PDE10A: variants seen among roughly 807,000 people sequenced by gnomAD.
The protein encoded by PDE10A is cAMP and cAMP-inhibited cGMP 3',5'-cyclic phosphodiesterase 10A.
PDE10A carries 39 observed loss-of-function variants against 97.7 expected under a neutral mutation model. The observed-to-expected ratio is 0.40, with a 90% CI of 0.31 to 0.52. The LOEUF is 0.52. Ranked by LOEUF, PDE10A falls within the 20% of genes least tolerant of loss-of-function variation. The probability of loss-of-function intolerance (pLI) is 0.56; values close to 1 mark genes in which losing one functional copy is unlikely to be tolerated. For synonymous variants in PDE10A, 371 were observed against 376.8 expected (o/e 0.98, Z 0.18); for missense variants, 731 against 1,047.8 (o/e 0.70, Z 4.17).
At chr6:165,659,504 G>T (rs1483554175) in intron 1 of PDE10A, among the ~76,000 whole-genome samples, 2 of 152,238 alleles carry the variant, frequency 1.3e-5, no homozygotes, top group African/African-American at 4.8e-5. Flanking sequence ...TGTCAGAGCA[G>T]AAATTGGCTA....
intron 2 of PDE10A, among the ~76,000 whole-genome samples, chr6:165,494,349 GA>G (rs1030134155): frequency 6.6e-6 from 1 of 150,944 alleles, no homozygotes; most frequent in Non-Finnish European, 1.5e-5. Context: ...GGTCATTATA[GA>G]AAAAAGATAC....
chr6:165,475,269 G>A (rs1779231750), intron 3 of PDE10A, among the ~76,000 whole-genome samples: 2 of 152,120 alleles, frequency 1.3e-5, no homozygotes, highest in African/African-American at 2.4e-5. Context: ...ATGGTCATAA[G>A]TATTAATAGA....
chr6:165,397,891 GAATGAATACACAGT>G (rs1281471795), intron 13 of PDE10A, among the ~76,000 whole-genome samples: 2 of 151,956 alleles, frequency 1.3e-5, no homozygotes, highest in Non-Finnish European at 1.5e-5. Flanking sequence ...CAAACCCAAT[GAATGAATACACAGT>G]AATTATGTGC....
intron 1 of PDE10A, among the ~76,000 whole-genome samples, chr6:165,799,951 C>T (rs948422615): frequency 7.9e-5 from 12 of 152,156 alleles, no homozygotes; most frequent in Admixed American, 3.3e-4. Flanking sequence ...TCCCCTGGGA[C>T]GTCTGTCAGG....
chr6:165,693,330 A>G (rs545190755), intron 1 of PDE10A, among the ~76,000 whole-genome samples: 1 of 152,220 alleles, frequency 6.6e-6, no homozygotes, highest in African/African-American at 2.4e-5. Flanking sequence ...CAGGAGTTCA[A>G]GATCAGCCTG....
intron 1 of PDE10A, among the ~76,000 whole-genome samples, chr6:165,622,658 G>GCA (rs144569587): frequency 7.9e-5 from 12 of 151,878 alleles, no homozygotes; most frequent in South Asian, 2.1e-4. Flanking sequence ...ATGTAGACAT[G>GCA]CACACACACA....
At chr6:165,723,783 T>C (rs1022878291) in intron 1 of PDE10A, among the ~76,000 whole-genome samples, 4 of 152,206 alleles carry the variant, frequency 2.6e-5, no homozygotes, top group African/African-American at 4.8e-5. Flanking sequence ...TTGCCTCCAA[T>C]TGGATACCTA....
Position 165,395,282 on chromosome 6 carries a change from C to A in PDE10A, c.2220-18G>T. 2.0e-6 allele frequency: 3 copies of A among 1,501,196 alleles called. No homozygotes were observed. The South Asian group carries it at 3.4e-5, about 17-fold the overall frequency. 93.0% of individuals were successfully genotyped at this position (1,501,196 alleles called of 1,614,324 possible). A position where few individuals can be genotyped will look rare whatever the true frequency, so the allele number is the denominator to read the frequency against. On this transcript the variant is annotated intron_variant, in intron 14 of 21. Coordinates refer to ENST00000539869, the MANE Select transcript of PDE10A (RefSeq NM_001385079.1). Reference sequence around the variant, plus strand: ...AGTGGAATCTGAAATTTTAAAAGGGCAGTTTATCACTAAACGTGATTAGAA... The same window carrying A: ...AGTGGAATCTGAAATTTTAAAAGGGAAGTTTATCACTAAACGTGATTAGAA...
At chr6:165,519,951 C>G (rs1044092972) in intron 2 of PDE10A, among the ~76,000 whole-genome samples, 5 of 152,120 alleles carry the variant, frequency 3.3e-5, no homozygotes, top group African/African-American at 1.2e-4. Context: ...TGAGGCTCTA[C>G]AGTTTTGAAA....
upstream of PDE10A, among the ~76,000 whole-genome samples, chr6:165,667,480 A>G (rs913854529): frequency 1.3e-5 from 2 of 152,164 alleles, no homozygotes; most frequent in African/African-American, 4.8e-5. Flanking sequence ...AAACATCAGA[A>G]TAGTTTTTAA....
chr6:165,869,340 T>C (rs1321283247), intron 1 of PDE10A, among the ~76,000 whole-genome samples: 1 of 111,826 alleles, frequency 8.9e-6, no homozygotes, highest in East Asian at 3.4e-4. Flanking sequence ...GTCTCATTTA[T>C]AATACTACAA....
intron 1 of PDE10A, among the ~76,000 whole-genome samples, chr6:165,723,112 C>A (rs1052268566): frequency 4.6e-5 from 7 of 152,142 alleles, no homozygotes; most frequent in Admixed American, 3.3e-4. Flanking sequence ...CACTGACTCA[C>A]AATCTAGTTG....
At chr6:165,682,828 T>C (rs898493793) in intron 1 of PDE10A, among the ~76,000 whole-genome samples, 15 of 152,228 alleles carry the variant, frequency 9.9e-5, no homozygotes, top group African/African-American at 3.6e-4. Context: ...GACAAAGATC[T>C]AGAATCTGCT....
intron 1 of PDE10A, among the ~76,000 whole-genome samples, chr6:165,790,798 ATG>A (rs1195180496): frequency 6.6e-6 from 1 of 152,078 alleles, no homozygotes. Flanking sequence ...GTGTCCTGTG[ATG>A]TGTCTTGCAC....
chr6:165,977,223 A>G (rs569413635), intron 1 of PDE10A, among the ~76,000 whole-genome samples: 4 of 152,224 alleles, frequency 2.6e-5, no homozygotes, highest in Non-Finnish European at 5.9e-5. Flanking sequence ...AATCAAAATC[A>G]CAATAGCACG....
chr6:165,457,971 G>A (rs1778060722), intron 3 of PDE10A, among the ~76,000 whole-genome samples: 1 of 151,976 alleles, frequency 6.6e-6, no homozygotes, highest in South Asian at 2.1e-4. Context: ...TGTATGAGGT[G>A]GCACCAACAT....
At chr6:165,493,594 C>A (rs932088170) in intron 2 of PDE10A, among the ~76,000 whole-genome samples, 13 of 152,150 alleles carry the variant, frequency 8.5e-5, no homozygotes, top group African/African-American at 2.9e-4. Context: ...GGAAAGAACA[C>A]CCTATTCAAC....
chr6:165,784,996 G>A (rs1002014960), intron 1 of PDE10A, among the ~76,000 whole-genome samples: 6 of 152,210 alleles, frequency 3.9e-5, no homozygotes, highest in African/African-American at 1.4e-4. Context: ...CTCTTCTATC[G>A]TAAGGTCCTA....
chr6:165,396,078 G>T (rs1786134093), intron 14 of PDE10A, among the ~76,000 whole-genome samples: 1 of 152,114 alleles, frequency 6.6e-6, no homozygotes, highest in African/African-American at 2.4e-5. Flanking sequence ...TAACATTTAG[G>T]TTAACTCATT....
Sources: gnomAD v4.1 joint callset for allele counts (sites outside exome capture counted in the v4.1 genomes callset) on GRCh38, gnomAD v4.1.1 for gene constraint, MANE v1.5 for transcripts, NCBI Gene and HGNC (gene_info 2026-07-23, HGNC 2026-07-21) for gene names.